Variants in RCC2 observed in about 807,000 individuals in gnomAD.
The protein encoded by RCC2 is protein RCC2.
In RCC2, 19 loss-of-function variants were observed where a neutral mutation model predicts 64.1. The observed-to-expected ratio is 0.30, with a 90% CI of 0.21 to 0.44. RCC2 has a LOEUF of 0.44. Ranked by LOEUF, RCC2 falls within the 20% of genes least tolerant of loss-of-function variation. RCC2 has a pLI of 1.00. For synonymous variants in RCC2, 325 were observed against 279.6 expected (o/e 1.16, Z -1.62); for missense variants, 508 against 710.4 (o/e 0.72, Z 3.24).
At chr1:17,409,829 A>C (rs2100349306) in intron 12 of RCC2, 145 bp downstream of exon 12, 1 of 727,800 alleles carries the variant, frequency 1.4e-6, no homozygotes, top group Admixed American at 2.1e-5. Flanking sequence ...TACCTCTCAA[A>C]CAAATCTTAG....
chr1:17,436,052 G>A (rs2075732123), intron 2 of RCC2, among the ~76,000 whole-genome samples: 1 of 152,164 alleles, frequency 6.6e-6, no homozygotes, highest in Non-Finnish European at 1.5e-5. Flanking sequence ...CCCAAAGGAT[G>A]GGCATCATGG....
At chr1:17,434,941 T>G (rs1484648616) in intron 2 of RCC2, among the ~76,000 whole-genome samples, 1 of 152,176 alleles carries the variant, frequency 6.6e-6, no homozygotes, top group Non-Finnish European at 1.5e-5. Context: ...CCATCTCTAC[T>G]GAAAATACAA....
chr1:17,437,797 C>A (rs2075754203), intron 2 of RCC2, among the ~76,000 whole-genome samples: 1 of 146,522 alleles, frequency 6.8e-6, no homozygotes, highest in Admixed American at 6.8e-5. Context: ...CCCCGCGGCG[C>A]CCGGGCGCAG....
chr1:17,411,849 T>C (rs1020554094), intron 11 of RCC2, among the ~76,000 whole-genome samples: 9 of 152,218 alleles, frequency 5.9e-5, no homozygotes, highest in African/African-American at 1.9e-4. Flanking sequence ...AACCCAACTG[T>C]GGTTTACAAA....
At chr1:17,416,897 G>T (rs2075492371) in intron 7 of RCC2, among the ~76,000 whole-genome samples, 1 of 152,170 alleles carries the variant, frequency 6.6e-6, no homozygotes, top group Admixed American at 6.5e-5. Flanking sequence ...GAATGACAAA[G>T]AATACTCTAC....
chr1:17,409,556 C>G (rs1350720242), intron 12 of RCC2, among the ~76,000 whole-genome samples: 1 of 152,226 alleles, frequency 6.6e-6, no homozygotes, highest in Admixed American at 6.5e-5. Flanking sequence ...TCTTGGCAGA[C>G]AGGGCCAGCA....
chr1:17,417,961 A>G (rs2075507248), intron 7 of RCC2, among the ~76,000 whole-genome samples: 1 of 152,168 alleles, frequency 6.6e-6, no homozygotes, highest in Non-Finnish European at 1.5e-5. Flanking sequence ...CTTACATAAC[A>G]TTTACATCAC....
chr1:17,414,255 T>C lies in RCC2; in HGVS notation c.1027-538A>G, dbSNP rs541916557. Among the ~76,000 whole-genome samples, 116 of 152,208 alleles carry C rather than the reference T, an allele frequency of 7.6e-4. 1 individual carries two copies. Among genetic ancestry groups the C allele is most frequent in the African/African-American group, 2.7e-3 (112 of 41,554 alleles). ...CCACTACAACAGAGATTCGGCCAGATGCAGTGGCTCATGCCTGTAATCCTA... is the reference window on the plus strand; with the variant it reads ...CCACTACAACAGAGATTCGGCCAGACGCAGTGGCTCATGCCTGTAATCCTA... On this transcript the variant is annotated intron_variant, in intron 8 of 12. Coordinates refer to ENST00000375436, the MANE Select transcript of RCC2 (RefSeq NM_018715.4).
At chr1:17,434,861 G>A (rs1570211285) in intron 2 of RCC2, among the ~76,000 whole-genome samples, 1 of 152,166 alleles carries the variant, frequency 6.6e-6, no homozygotes, top group South Asian at 2.1e-4. Context: ...GCCTGTAATC[G>A]CAGCACTTTG....
intron 7 of RCC2, among the ~76,000 whole-genome samples, 175 bp downstream of exon 7, chr1:17,420,539 T>C (rs1472025498): frequency 6.6e-6 from 1 of 152,170 alleles, no homozygotes; most frequent in African/African-American, 2.4e-5. Context: ...TACTCCATAA[T>C]CCTGTGAATG....
intron 2 of RCC2, among the ~76,000 whole-genome samples, chr1:17,430,871 G>C (rs1016824933): frequency 5.3e-5 from 8 of 151,846 alleles, no homozygotes; most frequent in Admixed American, 2.0e-4. Flanking sequence ...TGGGATTACA[G>C]ACACTCAGCT....
intron 3 of RCC2, among the ~76,000 whole-genome samples, chr1:17,428,405 G>A (rs887426119): frequency 6.9e-6 from 1 of 144,656 alleles, no homozygotes; most frequent in African/African-American, 2.5e-5. Context: ...ATGGAACAAG[G>A]TGATTTCCAA....
At chr1:17,435,953 G>C (rs1472234482) in intron 2 of RCC2, among the ~76,000 whole-genome samples, 1 of 151,426 alleles carries the variant, frequency 6.6e-6, no homozygotes, top group Non-Finnish European at 1.5e-5. Context: ...CTTAAATGTA[G>C]GGTGTGCACT....
At position 17,408,016 on chromosome 1, in the gene RCC2, A is replaced by G. The variant is rs1279263702; in HGVS notation, c.*1074T>C. 2 of 152,378 alleles carry G rather than the reference A, an allele frequency of 1.3e-5. No homozygotes were observed. The highest frequency in any genetic ancestry group is 2.9e-5 in the Non-Finnish European group (2 of 68,104). 9.4% of individuals were successfully genotyped at this position (152,378 alleles called of 1,614,324 possible). ...GTCACAGCATCCGTGCTGACACGCAAGGAAGGGGACTCTTCGGTAATCCCA... is the reference window on the plus strand; with the variant it reads ...GTCACAGCATCCGTGCTGACACGCAGGGAAGGGGACTCTTCGGTAATCCCA... On this transcript the variant is annotated 3_prime_UTR_variant, in exon 13 of 13. Transcript: ENST00000375436.
intron 3 of RCC2, among the ~76,000 whole-genome samples, chr1:17,427,494 C>A (rs1231197294): frequency 1.3e-5 from 2 of 152,084 alleles, no homozygotes; most frequent in African/African-American, 4.8e-5. Context: ...GGAGGTGGCA[C>A]CTAAATTAAG....
At chr1:17,429,985 G>A (rs2075658702) in intron 2 of RCC2, among the ~76,000 whole-genome samples, 1 of 152,174 alleles carries the variant, frequency 6.6e-6, no homozygotes, top group Non-Finnish European at 1.5e-5. Flanking sequence ...ATTTAAAAAG[G>A]CCATTGTTCA....
rs1570194749 is a variant in RCC2, at chr1:17,425,696, A to G, written c.380-12T>C. 6.3e-7 allele frequency: 1 copy of G among 1,599,914 alleles called. No individual in the cohort carries two copies. On this transcript the variant is annotated splice_polypyrimidine_tract_variant and intron_variant, in intron 3 of 12. Transcript: ENST00000375436. ...ATTGCGGTAAGCAGCTGCAGAGAGA[A>G]TGAGAATGCAGATCAGACACCTGGG... is the stretch of plus-strand genomic sequence containing the variant.
intron 7 of RCC2, 132 bp from the exon 8 acceptor site, chr1:17,416,778 G>A (rs2075491029): frequency 5.9e-6 from 5 of 843,072 alleles, no homozygotes; most frequent in Non-Finnish European, 8.8e-6. Flanking sequence ...ACCAGCACAC[G>A]TTGGTCAACA....
chr1:17,431,239 CAGGAGATTGG>C lies in RCC2; in HGVS notation c.286-2050_286-2041del. Among the ~76,000 whole-genome samples, 3 of 141,596 alleles carry C rather than the reference CAGGAGATTGG, an allele frequency of 2.1e-5. No homozygotes were observed. The Admixed American group carries it at 2.2e-4, about 10-fold the overall frequency. 92.9% of individuals were successfully genotyped at this position (141,596 alleles called of 152,430 possible). A position where few individuals can be genotyped will look rare whatever the true frequency, so the allele number is the denominator to read the frequency against. On this transcript the variant is annotated intron_variant, in intron 2 of 12. Transcript: ENST00000375436. ...GTCCCAGCTACTCGGGAGGCTGAGG[CAGGAGATTGG>C]TGTGAACCCAGGAGGCGGAGCTTGC...
Sources: gnomAD v4.1 joint callset for allele counts (sites outside exome capture counted in the v4.1 genomes callset) on GRCh38, gnomAD v4.1.1 for gene constraint, MANE v1.5 for transcripts, NCBI Gene and HGNC (gene_info 2026-07-23, HGNC 2026-07-21) for gene names.